CDK14: variants seen among roughly 807,000 people sequenced by gnomAD.
The protein encoded by CDK14 is cyclin-dependent kinase 14.
CDK14 carries 34 observed loss-of-function variants against 60.7 expected under a neutral mutation model. The ratio of observed to expected loss-of-function variants is 0.56; its 90% CI spans 0.43 to 0.75. The LOEUF is 0.75. Ranked by LOEUF, CDK14 falls within the 30% of genes least tolerant of loss-of-function variation. The pLI is 0.00. For synonymous variants in CDK14, 197 were observed against 203.7 expected, an observed-to-expected ratio of 0.97 and a Z score of 0.28; for missense variants, 482 against 564.1, an observed-to-expected ratio of 0.85 and a Z score of 1.47.
At chr7:91,091,517 A>ATATATATATATATAT (rs1562900714) in intron 12 of CDK14, among the ~76,000 whole-genome samples, 2 of 141,392 alleles carry the variant, frequency 1.4e-5, no homozygotes, top group African/African-American at 5.4e-5. Flanking sequence ...ATATATATAT[A>ATATATATATATATAT]AATTAGCCAG....
At chr7:90,895,214 C>T (rs1416511275) in intron 6 of CDK14, among the ~76,000 whole-genome samples, 1 of 152,016 alleles carries the variant, frequency 6.6e-6, no homozygotes, top group Admixed American at 6.6e-5. Context: ...TTTAGAAAAA[C>T]ATTTTTTTCC....
At chr7:90,747,236 AG>A (rs1222591353) in intron 3 of CDK14, among the ~76,000 whole-genome samples, 1 of 152,252 alleles carries the variant, frequency 6.6e-6, no homozygotes, top group Non-Finnish European at 1.5e-5. Flanking sequence ...ATACAAAAAC[AG>A]GTGGTGGGCT....
chr7:90,692,350 C>T (rs961346565), intron 2 of CDK14, among the ~76,000 whole-genome samples: 1 of 152,088 alleles, frequency 6.6e-6, no homozygotes, highest in Admixed American at 6.6e-5. Context: ...CTTTGGATGG[C>T]TGTGTGTTTA....
At chr7:91,079,382 T>C (rs1266384828) in intron 11 of CDK14, 50 bp from the exon 12 acceptor site, 8 of 1,240,730 alleles carry the variant, frequency 6.4e-6, no homozygotes. Context: ...ATACTTGTAA[T>C]ATATACATTT....
intron 2 of CDK14, chr7:90,692,664 G>C (rs1220254649): frequency 2.0e-6 from 2 of 979,678 alleles, no homozygotes; most frequent in African/African-American, 1.8e-5. Context: ...GGGTCTTCCT[G>C]TTCTCTGCTT....
intron 8 of CDK14, among the ~76,000 whole-genome samples, chr7:90,930,425 A>G (rs1283443360): frequency 6.6e-6 from 1 of 151,116 alleles, no homozygotes; most frequent in Non-Finnish European, 1.5e-5. Context: ...ATTTTGAAAG[A>G]TGCCTGTGTA....
intron 14 of CDK14, among the ~76,000 whole-genome samples, chr7:91,132,990 A>G (rs1413978745): frequency 1.3e-5 from 2 of 152,162 alleles, no homozygotes; most frequent in East Asian, 3.8e-4. Context: ...TATCTTTTGT[A>G]AAATGAATAA....
At chr7:91,050,882 CA>C (rs1480725889) in intron 11 of CDK14, among the ~76,000 whole-genome samples, 1 of 152,162 alleles carries the variant, frequency 6.6e-6, no homozygotes, top group Non-Finnish European at 1.5e-5. Context: ...AAGTTAGTGT[CA>C]GAGGTGAAAG....
chr7:90,701,248 T>C (rs1801780400), intron 2 of CDK14, among the ~76,000 whole-genome samples: 1 of 152,184 alleles, frequency 6.6e-6, no homozygotes, highest in African/African-American at 2.4e-5. Flanking sequence ...TCTATAAGGA[T>C]AGTCAGTTTA....
intron 4 of CDK14, among the ~76,000 whole-genome samples, chr7:90,768,509 C>T (rs1259843342): frequency 2.0e-5 from 3 of 152,220 alleles, no homozygotes; most frequent in Admixed American, 1.3e-4. Flanking sequence ...GTAACAGCTG[C>T]ACTGAAAAGT....
rs377022250 is a variant in CDK14, at chr7:90,985,900, A to C, written c.1041+1659A>C. On this transcript the variant is annotated intron_variant, in intron 10 of 14. Transcript: ENST00000380050. ...TTATTCAATATGTATAAATTCCCAC[A>C]CACAAATGTTAACATGATTATAAAA... is the stretch of plus-strand genomic sequence containing the variant. 9.9e-5 allele frequency among the ~76,000 whole-genome samples: 15 copies of C among 152,076 alleles called. 1 individual carries two copies. In the East Asian group the frequency reaches 2.1e-3, roughly 21 times the overall value.
intron 2 of CDK14, among the ~76,000 whole-genome samples, chr7:90,621,977 G>C (rs1412290602): frequency 1.3e-5 from 2 of 152,118 alleles, no homozygotes; most frequent in African/African-American, 2.4e-5. Context: ...CCTTTGAAAG[G>C]GAACATTGAA....
chr7:90,752,949 A>G (rs956163269), intron 4 of CDK14, among the ~76,000 whole-genome samples: 10 of 152,164 alleles, frequency 6.6e-5, no homozygotes, highest in Admixed American at 2.6e-4. Context: ...TCAGGAAGAA[A>G]TGGAAACTCT....
At chr7:91,025,206 A>G (rs1796538203) in intron 10 of CDK14, among the ~76,000 whole-genome samples, 1 of 152,150 alleles carries the variant, frequency 6.6e-6, no homozygotes, top group African/African-American at 2.4e-5. Context: ...TTATGAATGC[A>G]CCATAACAAA....
At chr7:91,199,324 G>GT (rs938119076) in intron 14 of CDK14, among the ~76,000 whole-genome samples, 6 of 150,672 alleles carry the variant, frequency 4.0e-5, no homozygotes, top group African/African-American at 1.5e-4. Flanking sequence ...AATATTATAT[G>GT]TTTTTTTATT....
chr7:90,683,214 TTTTC>T (rs1011186911), intron 2 of CDK14, among the ~76,000 whole-genome samples: 59 of 152,134 alleles, frequency 3.9e-4, no homozygotes, highest in African/African-American at 1.2e-3. Context: ...ATCCCCTATA[TTTTC>T]TTTCTTTCTT....
intron 3 of CDK14, among the ~76,000 whole-genome samples, chr7:90,745,205 T>C (rs1159466761): frequency 6.6e-6 from 1 of 152,222 alleles, no homozygotes; most frequent in East Asian, 1.9e-4. Context: ...TTCCTTGCCT[T>C]TTCCCCCATC....
chr7:90,639,439 C>T lies in CDK14; in HGVS notation c.123+35190C>T, dbSNP rs968199069. Among the ~76,000 whole-genome samples, 9 of 152,140 alleles carry T rather than the reference C, an allele frequency of 5.9e-5. 1 individual carries two copies. Among genetic ancestry groups the T allele is most frequent in the South Asian group, 2.1e-4 (1 of 4,820 alleles). On this transcript the variant is annotated intron_variant, in intron 2 of 14. Transcript: ENST00000380050. ...GTATCAGCAGTGGTGTCTGCAGAAC[C>T]GCAGATTTTCGTGTTACATGAATGC...
rs1351405194 is a variant in CDK14 at position 91,117,980 on chromosome 7, AT to A, written c.1295-84del. On this transcript the variant is annotated intron_variant, in intron 13 of 14. Transcript: ENST00000380050. The stretch of plus-strand genomic sequence containing the variant: ...CAGTGTGCTGGGCATCCAAACTTGC[AT>A]CTCAGTCTCCATTTTTTTAAAAAAA... 1.1e-5 allele frequency: 8 copies of A among 727,212 alleles called. No homozygotes were observed. In the South Asian group the frequency reaches 1.4e-4, roughly 13 times the overall value. 45.0% of individuals were successfully genotyped at this position (727,212 alleles called of 1,614,324 possible). A position where few individuals can be genotyped will look rare whatever the true frequency, so the allele number is the denominator to read the frequency against.
Sources: allele counts gnomAD v4.1 joint callset (sites outside exome capture counted in the v4.1 genomes callset), GRCh38; gene constraint gnomAD v4.1.1; transcripts MANE v1.5; gene names NCBI Gene and HGNC (gene_info 2026-07-23, HGNC 2026-07-21).